The following H3-3A variants were observed in gnomAD, a reference collection of about 807,000 sequenced individuals.
H3-3A encodes histone H3.3.
For synonymous variants in H3-3A, 49 were observed against 61.4 expected, an observed-to-expected ratio of 0.80 and a Z score of 0.95; for missense variants, 7 against 184.0, an observed-to-expected ratio of 0.04 and a Z score of 5.57.
At chr1:226,063,074 C>T (rs540128420) in intron 1 of H3-3A, among the ~76,000 whole-genome samples, 2 of 152,124 alleles carry the variant, frequency 1.3e-5, no homozygotes, top group South Asian at 2.1e-4. Flanking sequence ...GCGCCCCTGG[C>T]TCCTCTTTCT....
At chr1:226,068,226 A>C (rs532927417) in intron 3 of H3-3A, among the ~76,000 whole-genome samples, 1 of 152,216 alleles carries the variant, frequency 6.6e-6, no homozygotes, top group African/African-American at 2.4e-5. Flanking sequence ...TGTATGGGTC[A>C]TGGTCAGATC....
intron 3 of H3-3A, chr1:226,067,328 C>G (rs1270261323): frequency 6.6e-6 from 1 of 152,138 alleles, no homozygotes; most frequent in Non-Finnish European, 1.5e-5. Context: ...AAATGTTCAC[C>G]TCTTCTGTCC....
intron 2 of H3-3A, 111 bp from the exon 3 acceptor site, chr1:226,065,545 T>C (rs1431764365): frequency 2.9e-6 from 2 of 687,290 alleles, no homozygotes; most frequent in Non-Finnish European, 4.8e-6. Context: ...AGCTGAAGAA[T>C]TGTTGGGTGG....
chr1:226,062,452 C>G (rs994172466), upstream of H3-3A, among the ~76,000 whole-genome samples: 4 of 150,644 alleles, frequency 2.7e-5, no homozygotes, highest in Non-Finnish European at 5.9e-5. Flanking sequence ...GGGCGGCAGT[C>G]TCGGCGGGAG....
chr1:226,067,464 C>G (rs1013578743), intron 3 of H3-3A, among the ~76,000 whole-genome samples: 2 of 152,020 alleles, frequency 1.3e-5, no homozygotes, highest in African/African-American at 4.8e-5. Context: ...GTGGGCCGGG[C>G]GCCGTGACTC....
chr1:226,070,961 G>T (rs1658101458), intron 3 of H3-3A, among the ~76,000 whole-genome samples: 1 of 152,214 alleles, frequency 6.6e-6, no homozygotes, highest in African/African-American at 2.4e-5. Flanking sequence ...GAGTGAGGAG[G>T]AGACTAGGCT....
At chr1:226,069,774 T>G (rs919166919) in intron 3 of H3-3A, among the ~76,000 whole-genome samples, 2 of 152,102 alleles carry the variant, frequency 1.3e-5, no homozygotes, top group African/African-American at 2.4e-5. Context: ...GAGGTTGCAG[T>G]GAGCCGAGGT....
At chr1:226,064,241 C>T (rs1342197865) in intron 1 of H3-3A, 88 bp from the exon 2 acceptor site, 2 of 891,986 alleles carry the variant, frequency 2.2e-6, no homozygotes, top group African/African-American at 3.4e-5. Context: ...ATCATAATTT[C>T]CAGATTTGGG....
At position 226,064,217 on chromosome 1, in the gene H3-3A, T is replaced by C; in HGVS notation, c.-23-112T>C. ...TCAAATTATATAACAATACGAACAT[T>C]ATTTTTTATACTGATCATAATTTCC... is the stretch of plus-strand genomic sequence containing the variant. On this transcript the variant is annotated intron_variant, in intron 1 of 3. Coordinates refer to ENST00000366815, the MANE Select transcript of H3-3A (RefSeq NM_002107.7). 7 of 716,770 alleles carry C rather than the reference T, an allele frequency of 9.8e-6. No individual in the cohort carries two copies. The South Asian group carries it at 1.3e-4, about 14-fold the overall frequency. The allele number at this position is 716,770 out of a possible 1,614,324, so 44.4% of individuals were successfully genotyped here.
upstream of H3-3A, among the ~76,000 whole-genome samples, chr1:226,062,262 C>T (rs1657732817): frequency 6.7e-6 from 1 of 150,006 alleles, no homozygotes; most frequent in South Asian, 2.1e-4. Context: ...CCCCTCCCTC[C>T]CCTCCCCGCC....
chr1:226,063,480 A>T (rs560740844), intron 1 of H3-3A, among the ~76,000 whole-genome samples: 1 of 152,070 alleles, frequency 6.6e-6, no homozygotes, highest in Admixed American at 6.5e-5. Flanking sequence ...TTTTCGAGCG[A>T]TTTGGTGTTT....
At chr1:226,066,094 C>T in intron 3 of H3-3A, 1 of 496,230 alleles carries the variant, frequency 2.0e-6, no homozygotes, top group Admixed American at 3.5e-5. Context: ...TAAAGAAAAT[C>T]CTCTGGTTTG....
In H3-3A at chr1:226,071,941, T is replaced by G; in HGVS notation, c.*462T>G. 2 of 220,186 alleles carry G rather than the reference T, an allele frequency of 9.1e-6. No homozygotes were observed. The highest frequency in any genetic ancestry group is 1.8e-5 in the Non-Finnish European group (2 of 109,782). The allele number at this position is 220,186 out of a possible 1,614,324, so 13.6% of individuals were successfully genotyped here. ...TTGTCCTACATGCAAGTACATGTTT[T>G]TAATGTTGTCTGTCTTCTGTGCTGT... is the stretch of plus-strand genomic sequence containing the variant. On this transcript the variant is annotated 3_prime_UTR_variant, in exon 4 of 4. Transcript: ENST00000366815.
At chr1:226,068,852 G>A (rs1206196767) in intron 3 of H3-3A, among the ~76,000 whole-genome samples, 1 of 152,188 alleles carries the variant, frequency 6.6e-6, no homozygotes, top group East Asian at 1.9e-4. Flanking sequence ...CTGGCAACAG[G>A]AGCAAGAGAC....
chr1:226,070,133 G>A lies in H3-3A; in HGVS notation c.283-1218G>A, dbSNP rs115501706. 6.8e-3 allele frequency among the ~76,000 whole-genome samples: 1,028 copies of A among 152,258 alleles called. 12 individuals are homozygous for A. The highest frequency in any genetic ancestry group is 0.024 in the African/African-American group (978 of 41,532). ...TACAAATTGGGGTACGTAGAGGAAG[G>A]TACTTGGTAGAGGACAGGGGCATGT... is the stretch of plus-strand genomic sequence containing the variant. On this transcript the variant is annotated intron_variant, in intron 3 of 3. Coordinates refer to ENST00000366815, the MANE Select transcript of H3-3A (RefSeq NM_002107.7).
intron 3 of H3-3A, among the ~76,000 whole-genome samples, chr1:226,070,335 G>GGT (rs1658069522): frequency 6.6e-6 from 1 of 152,036 alleles, no homozygotes; most frequent in South Asian, 2.1e-4. Flanking sequence ...AGTCAGGCGT[G>GGT]GTGGTGGGCG....
intron 3 of H3-3A, chr1:226,066,066 T>G (rs1657913403): frequency 2.0e-6 from 1 of 496,562 alleles, no homozygotes; most frequent in African/African-American, 1.9e-5. Context: ...TTTGAAACAT[T>G]GCACTAAAAA....
upstream of H3-3A, among the ~76,000 whole-genome samples, chr1:226,062,454 C>T (rs1025691776): frequency 1.3e-5 from 2 of 150,168 alleles, no homozygotes; most frequent in African/African-American, 4.9e-5. Context: ...GCGGCAGTCT[C>T]GGCGGGAGCC....
intron 3 of H3-3A, chr1:226,067,373 A>G (rs1657962509): frequency 1.3e-5 from 2 of 152,136 alleles, no homozygotes; most frequent in African/African-American, 4.8e-5. Context: ...TCTTTATTGG[A>G]AAGAGTGATC....
Sources: gnomAD v4.1 joint callset for allele counts (sites outside exome capture counted in the v4.1 genomes callset) on GRCh38, gnomAD v4.1.1 for gene constraint, MANE v1.5 for transcripts, NCBI Gene and HGNC (gene_info 2026-07-23, HGNC 2026-07-21) for gene names.